ABR: variants seen among roughly 807,000 people sequenced by gnomAD.
ABR encodes the protein active breakpoint cluster region-related protein.
Under a neutral mutation model 107.2 loss-of-function variants are expected in ABR, and 35 were observed. That is an observed-to-expected ratio of 0.33 (90% CI 0.25 to 0.43). The LOEUF (loss-of-function observed/expected upper bound fraction) is 0.43, where lower values mean the gene tolerates loss of function less well. ABR is among the 20% of genes least tolerant of loss of function. ABR has a pLI of 1.00. For missense variants in ABR, 815 were observed against 1,115.2 expected (o/e 0.73, Z 3.83); for synonymous variants, 498 against 462.0 (o/e 1.08, Z -1.00).
chr17:1,151,827 G>A (rs1230806615), intron 1 of ABR, among the ~76,000 whole-genome samples: 3 of 152,296 alleles, frequency 2.0e-5, no homozygotes, highest in Non-Finnish European at 2.9e-5. Context: ...CATCCATCCC[G>A]GCTAACACGA....
chr17:1,049,173 C>T (rs1039578285), intron 16 of ABR, among the ~76,000 whole-genome samples: 13 of 152,012 alleles, frequency 8.6e-5, no homozygotes, highest in African/African-American at 3.1e-4. Flanking sequence ...GGCATAAATG[C>T]TGTTTTTATT....
In ABR at chr17:1,173,372, ACC is replaced by A. The variant is rs199921843; in HGVS notation, c.61+6293_61+6294del. Among the ~76,000 whole-genome samples the A allele has an allele frequency of 1.3e-3, 163 of 121,720 alleles. 8 individuals are homozygous for A. Among genetic ancestry groups the A allele is most frequent in the African/African-American group, 5.2e-3 (151 of 29,148 alleles). The allele number at this position is 121,720 out of a possible 152,430, so 79.9% of individuals were successfully genotyped here. ...TCCACTCAACACATCACCTCAGCCC[ACC>A]CCCCACACATCACCAACACCCGCCA... is the stretch of plus-strand genomic sequence containing the variant. On this transcript the variant is annotated intron_variant, in intron 1 of 22. Coordinates refer to ENST00000302538, the MANE Select transcript of ABR (RefSeq NM_021962.5).
chr17:1,127,334 G>C (rs1328727394), intron 1 of ABR, among the ~76,000 whole-genome samples: 1 of 152,240 alleles, frequency 6.6e-6, no homozygotes, highest in Non-Finnish European at 1.5e-5. Context: ...CAGGACCCAG[G>C]ATGCCCTCCC....
At position 1,091,864 on chromosome 17, in the gene ABR, A is replaced by T; in HGVS notation, c.346-14T>A. Reference sequence around the variant, plus strand: ...GGGTTTCATGGGCTGGGAGAAACAGAGGAAGAAAGAGCAGAGGTCGGGGGT... The same window carrying T: ...GGGTTTCATGGGCTGGGAGAAACAGTGGAAGAAAGAGCAGAGGTCGGGGGT... On this transcript the variant is annotated splice_polypyrimidine_tract_variant and intron_variant, in intron 3 of 22. Transcript: ENST00000302538. The T allele has an allele frequency of 6.2e-7, 1 of 1,609,074 alleles. No individual in the cohort carries two copies. The highest frequency in any genetic ancestry group is 8.5e-7 in the Non-Finnish European group (1 of 1,177,276).
At chr17:1,007,450 G>T in intron 21 of ABR, 138 bp from the exon 22 acceptor site, 1 of 1,043,456 alleles carries the variant, frequency 9.6e-7, no homozygotes. Flanking sequence ...TAGGAGTGGG[G>T]ACCTCCCCCG....
intron 10 of ABR, among the ~76,000 whole-genome samples, chr17:1,066,039 C>G (rs891459350): frequency 1.3e-5 from 2 of 152,114 alleles, no homozygotes; most frequent in Non-Finnish European, 2.9e-5. Context: ...TCCACCACGC[C>G]TGGATAATTT....
At position 1,092,940 on chromosome 17, in the gene ABR, C is replaced by T. The variant is rs2440748; in HGVS notation, c.346-1090G>A. Among the ~76,000 whole-genome samples the T allele has an allele frequency of 0.34, 49,433 of 145,974 alleles. 8,954 individuals are homozygous for T. The highest frequency in any genetic ancestry group is 0.47 in the East Asian group (2,192 of 4,686). On this transcript the variant is annotated intron_variant, in intron 3 of 22. Transcript: ENST00000302538. The surrounding 1 kb of genome is among the most constrained non-coding windows in gnomAD (Gnocchi z 4.6). Reference sequence around the variant, plus strand: ...GTTCACGCCATTCTCCTGCCTCAGCCTCCCAAGTAACAGGGACTACAGGCG... The same window carrying T: ...GTTCACGCCATTCTCCTGCCTCAGCTTCCCAAGTAACAGGGACTACAGGCG...
At chr17:1,107,782 G>A (rs947150695) in intron 2 of ABR, among the ~76,000 whole-genome samples, 9 of 152,212 alleles carry the variant, frequency 5.9e-5, no homozygotes, top group African/African-American at 2.2e-4. Flanking sequence ...AGAAGACAGG[G>A]TGGGGTGCCA....
intron 1 of ABR, 48 bp from the exon 2 acceptor site, chr17:1,125,415 GC>G: frequency 6.3e-7 from 1 of 1,594,632 alleles, no homozygotes; most frequent in Non-Finnish European, 8.5e-7. Context: ...CACCAGAGCT[GC>G]CAGGGACTGG....
chr17:1,207,141 ACTC>A (rs542580329), intron 1 of ABR, among the ~76,000 whole-genome samples: 63 of 149,980 alleles, frequency 4.2e-4, no homozygotes, highest in African/African-American at 1.5e-3. Context: ...CCCAGCTACT[ACTC>A]CACAGGCTAA....
intron 16 of ABR, among the ~76,000 whole-genome samples, chr17:1,029,151 G>A (rs1392010775): frequency 2.7e-5 from 4 of 150,862 alleles, no homozygotes; most frequent in African/African-American, 4.9e-5. Flanking sequence ...GTAGAAACGC[G>A]AAGTTCAATA....
At chr17:1,061,967 G>T (rs1382661089) in intron 10 of ABR, among the ~76,000 whole-genome samples, 3 of 152,196 alleles carry the variant, frequency 2.0e-5, no homozygotes, top group Non-Finnish European at 4.4e-5. Flanking sequence ...TTACAATTCA[G>T]TACCATTTAA....
At chr17:1,008,351 A>C (rs891603824) in intron 21 of ABR, among the ~76,000 whole-genome samples, 5 of 152,156 alleles carry the variant, frequency 3.3e-5, no homozygotes, top group Admixed American at 6.5e-5. Context: ...CCCACCCTCC[A>C]GGCAGGAGCT....
intron 16 of ABR, among the ~76,000 whole-genome samples, chr17:1,021,012 C>T (rs963576291): frequency 2.6e-5 from 4 of 152,176 alleles, no homozygotes; most frequent in South Asian, 2.1e-4. Context: ...CACTCCAGCA[C>T]GCAGCTCGCC....
intron 1 of ABR, among the ~76,000 whole-genome samples, chr17:1,132,936 G>C (rs548155298): frequency 1.9e-3 from 282 of 152,194 alleles, no homozygotes; most frequent in Non-Finnish European, 2.9e-3. Context: ...AACTCTTGGA[G>C]GCTGCCTATA....
chr17:1,076,165 A>C (rs1192919637), intron 6 of ABR, among the ~76,000 whole-genome samples: 1 of 152,206 alleles, frequency 6.6e-6, no homozygotes, highest in Non-Finnish European at 1.5e-5. Context: ...CAGTCTGCCA[A>C]AAGTTGGGAT....
chr17:1,117,762 A>G (rs1159442165), intron 2 of ABR, among the ~76,000 whole-genome samples: 1 of 78,454 alleles, frequency 1.3e-5, no homozygotes, highest in Non-Finnish European at 2.5e-5. Flanking sequence ...AGTTCCTCCC[A>G]GCGTTATCCC....
intron 1 of ABR, among the ~76,000 whole-genome samples, chr17:1,145,045 G>T (rs930730271): frequency 2.6e-5 from 4 of 151,826 alleles, no homozygotes; most frequent in Non-Finnish European, 5.9e-5. Flanking sequence ...AAAAATAAAG[G>T]AAAAAAAGAA....
At chr17:1,211,366 G>T (rs1213970055) in intron 1 of ABR, among the ~76,000 whole-genome samples, 1 of 152,154 alleles carries the variant, frequency 6.6e-6, no homozygotes, top group Non-Finnish European at 1.5e-5. Context: ...GACCCAGTGG[G>T]ATTCCATTTC....
Sources: allele counts gnomAD v4.1 joint callset (sites outside exome capture counted in the v4.1 genomes callset), GRCh38; gene constraint gnomAD v4.1.1; non-coding constraint Gnocchi (gnomAD v3.1); transcripts MANE v1.5; gene names NCBI Gene and HGNC (gene_info 2026-07-23, HGNC 2026-07-21).